Variants in MALRD1 observed in about 807,000 individuals in gnomAD.
The protein encoded by MALRD1 is MAM and LDL receptor class A domain containing 1.
A neutral mutation model predicts 242.1 loss-of-function variants in MALRD1; 247 were observed. The ratio of observed to expected loss-of-function variants is 1.02; its 90% confidence interval spans 0.92 to 1.13. MALRD1 has a LOEUF of 1.13. Among genes scored for constraint, MALRD1 ranks in the 50% most tolerant of loss-of-function variants. The pLI, the probability that MALRD1 is intolerant of heterozygous loss-of-function variation, is 0.00. For missense variants in MALRD1, 2,989 were observed against 2,533.1 expected, an observed-to-expected ratio of 1.18 and a Z score of -3.86; for synonymous variants, 995 against 866.6, an observed-to-expected ratio of 1.15 and a Z score of -2.60.
At chr10:19,648,403 G>GGAGA (rs35169261) in intron 36 of MALRD1, among the ~76,000 whole-genome samples, 9,017 of 152,184 alleles carry the variant, frequency 0.059, 363 homozygotes, top group Middle Eastern at 0.099. Flanking sequence ...GATGCACCAG[G>GGAGA]GAAAGTTTGG....
chr10:19,106,542 C>G (rs1836470650), intron 5 of MALRD1, among the ~76,000 whole-genome samples: 1 of 151,644 alleles, frequency 6.6e-6, no homozygotes, highest in Admixed American at 6.6e-5. Context: ...CTTAATCCAG[C>G]TATTGTTTGT....
chr10:19,695,771 G>T (rs1490611112), intron 38 of MALRD1, among the ~76,000 whole-genome samples: 1 of 152,022 alleles, frequency 6.6e-6, no homozygotes, highest in Non-Finnish European at 1.5e-5. Context: ...TAATCCACCT[G>T]CCTCAGCCTC....
chr10:19,299,462 A>G (rs920177651), intron 21 of MALRD1, among the ~76,000 whole-genome samples: 3 of 152,034 alleles, frequency 2.0e-5, no homozygotes, highest in Non-Finnish European at 4.4e-5. Flanking sequence ...GTACAACTCA[A>G]CAAGAATCTA....
chr10:19,446,582 T>C (rs1834994687), intron 28 of MALRD1, among the ~76,000 whole-genome samples: 2 of 152,176 alleles, frequency 1.3e-5, no homozygotes, highest in South Asian at 4.1e-4. Flanking sequence ...TTATTGCCTT[T>C]CTTTGCACAG....
At position 19,061,418 on chromosome 10, in the gene MALRD1, G is replaced by C. The variant is rs1360835374; in HGVS notation, c.200-5301G>C. Reference sequence around the variant, plus strand: ...TTTCAATAATTTTTCTTCTGTAAAAGTAGTAAACTTTATCCTGAAATTCAT... The same window carrying C: ...TTTCAATAATTTTTCTTCTGTAAAACTAGTAAACTTTATCCTGAAATTCAT... On this transcript the variant is annotated intron_variant, in intron 1 of 39. Transcript: ENST00000454679. Among the ~76,000 whole-genome samples the C allele has an allele frequency of 3.3e-5, 5 of 152,148 alleles. No homozygotes were observed. In the East Asian group the frequency reaches 9.7e-4, roughly 29 times the overall value.
chr10:19,226,941 A>G (rs1011886279), intron 18 of MALRD1, among the ~76,000 whole-genome samples: 6 of 152,072 alleles, frequency 3.9e-5, no homozygotes, highest in African/African-American at 1.4e-4. Context: ...ATAATAAAAT[A>G]ATTCAGAATA....
intron 33 of MALRD1, among the ~76,000 whole-genome samples, chr10:19,591,248 T>C (rs1837765694): frequency 6.6e-6 from 1 of 152,248 alleles, no homozygotes; most frequent in Non-Finnish European, 1.5e-5. Context: ...GAACAATGAA[T>C]GTTGTTCTTA....
At position 19,181,728 on chromosome 10, in the gene MALRD1, G is replaced by A. The variant is rs1213202229; in HGVS notation, c.1951+6400G>A. ...AAATGAGTAAGTTTTAGCTACTCTT[G>A]CCACAAAAAAAGAAAAAAAAGGGCA... is the stretch of plus-strand genomic sequence containing the variant. On this transcript the variant is annotated intron_variant, in intron 14 of 39. Coordinates refer to ENST00000454679, the MANE Select transcript of MALRD1 (RefSeq NM_001142308.3). Among the ~76,000 whole-genome samples, 3 of 145,708 alleles carry A rather than the reference G, an allele frequency of 2.1e-5. No homozygotes were observed. In the East Asian group the frequency reaches 6.0e-4, roughly 29 times the overall value.
intron 14 of MALRD1, among the ~76,000 whole-genome samples, chr10:19,191,070 A>G (rs1835954770): frequency 6.6e-6 from 1 of 152,370 alleles, no homozygotes; most frequent in South Asian, 2.1e-4. Context: ...TAAGGGATTG[A>G]TATCCACAAT....
Position 19,481,987 on chromosome 10 carries a change from G to C in MALRD1, c.5030-9530G>C, listed in dbSNP as rs190261746. On this transcript the variant is annotated intron_variant, in intron 29 of 39. Coordinates refer to ENST00000454679, the MANE Select transcript of MALRD1 (RefSeq NM_001142308.3). The stretch of plus-strand genomic sequence containing the variant: ...TATCTCAATATTTTCCATCGTGTCT[G>C]ATAGTTGCTCAATACATGTTTCTGG... Among the ~76,000 whole-genome samples the C allele has an allele frequency of 1.2e-3, 183 of 151,994 alleles. 1 individual carries two copies. The highest frequency in any genetic ancestry group is 3.2e-3 in the African/African-American group (134 of 41,480).
chr10:19,263,725 T>A (rs956361186), intron 19 of MALRD1, among the ~76,000 whole-genome samples: 4 of 152,180 alleles, frequency 2.6e-5, no homozygotes, highest in African/African-American at 9.6e-5. Context: ...GTCACTTTTT[T>A]TATTGATTAC....
intron 32 of MALRD1, among the ~76,000 whole-genome samples, chr10:19,545,239 G>A (rs1244310531): frequency 2.0e-5 from 3 of 152,052 alleles, no homozygotes; most frequent in Non-Finnish European, 2.9e-5. Flanking sequence ...TACCCTAACA[G>A]CCTCATTATA....
At position 19,681,353 on chromosome 10, in the gene MALRD1, C is replaced by T. The variant is rs1398086277; in HGVS notation, c.6138-10929C>T. On this transcript the variant is annotated intron_variant, in intron 36 of 39. Coordinates refer to ENST00000454679, the MANE Select transcript of MALRD1 (RefSeq NM_001142308.3). ...ATAGTTCTCTGAGGTTTTGTTCATT[C>T]CTTTTTATTCTTTTTTCTCTCATCA... is the stretch of plus-strand genomic sequence containing the variant. 7.9e-5 allele frequency among the ~76,000 whole-genome samples: 12 copies of T among 152,116 alleles called. No individual in the cohort carries two copies. The East Asian group carries it at 2.3e-3, about 29-fold the overall frequency.
intron 36 of MALRD1, among the ~76,000 whole-genome samples, chr10:19,631,386 G>T (rs1467576180): frequency 6.6e-6 from 1 of 152,122 alleles, no homozygotes; most frequent in Non-Finnish European, 1.5e-5. Flanking sequence ...CTTTTGTCCA[G>T]TCTGCCATTG....
chr10:19,227,409 A>T (rs1209272643), intron 18 of MALRD1, among the ~76,000 whole-genome samples: 1 of 152,112 alleles, frequency 6.6e-6, no homozygotes, highest in Non-Finnish European at 1.5e-5. Context: ...GTACTATTAA[A>T]ATTGGATATT....
intron 36 of MALRD1, among the ~76,000 whole-genome samples, chr10:19,635,982 C>T (rs902419866): frequency 6.6e-6 from 1 of 151,958 alleles, no homozygotes; most frequent in Admixed American, 6.6e-5. Flanking sequence ...CTCACTGCAA[C>T]CTCCTCTTCC....
At chr10:19,355,962 A>T (rs1025059692) in intron 26 of MALRD1, among the ~76,000 whole-genome samples, 5 of 149,018 alleles carry the variant, frequency 3.4e-5, no homozygotes, top group Non-Finnish European at 7.4e-5. Flanking sequence ...TAGGGTTGGA[A>T]TGCAGACAAT....
chr10:19,626,658 C>A (rs1367332610), intron 36 of MALRD1, among the ~76,000 whole-genome samples: 2 of 151,618 alleles, frequency 1.3e-5, no homozygotes, highest in East Asian at 3.9e-4. Context: ...ATAGTACATG[C>A]ACATCACCCA....
At chr10:19,728,702 C>T (rs1362062208) in intron 38 of MALRD1, among the ~76,000 whole-genome samples, 1 of 152,062 alleles carries the variant, frequency 6.6e-6, no homozygotes, top group Non-Finnish European at 1.5e-5. Flanking sequence ...TTCCTAATTT[C>T]TATTATGTTT....
Sources: gnomAD v4.1 joint callset for allele counts (sites outside exome capture counted in the v4.1 genomes callset) on GRCh38, gnomAD v4.1.1 for gene constraint, MANE v1.5 for transcripts, NCBI Gene and HGNC (gene_info 2026-07-23, HGNC 2026-07-21) for gene names.